PLEKHA5: variants seen among roughly 807,000 people sequenced by gnomAD.
PLEKHA5 encodes pleckstrin homology domain-containing family A member 5.
Under a neutral mutation model 181.9 loss-of-function variants are expected in PLEKHA5, and 55 were observed. The observed-to-expected ratio is 0.30, with a 90% confidence interval of 0.24 to 0.38. The LOEUF (loss-of-function observed/expected upper bound fraction) is 0.38. PLEKHA5 is among the 10% of genes least tolerant of loss of function. The probability of loss-of-function intolerance (pLI) is 1.00; values close to 1 mark genes in which losing one functional copy is unlikely to be tolerated. For synonymous variants in PLEKHA5, 535 were observed against 529.4 expected, an observed-to-expected ratio of 1.01 and a Z score of -0.15; for missense variants, 1,432 against 1,549.5, an observed-to-expected ratio of 0.92 and a Z score of 1.27.
intron 20 of PLEKHA5, among the ~76,000 whole-genome samples, chr12:19,326,500 T>A (rs769575664): frequency 5.3e-5 from 8 of 152,168 alleles, no homozygotes; most frequent in Non-Finnish European, 8.8e-5. Context: ...TCTCCTCACC[T>A]GGTAGGCCAC....
In PLEKHA5 at chr12:19,369,707, C is replaced by G; in HGVS notation, c.3769C>G (p.Pro1257Ala). The G allele has an allele frequency of 6.2e-7, 1 of 1,609,622 alleles. No individual in the cohort carries two copies. The highest frequency in any genetic ancestry group is 2.2e-5 in the East Asian group (1 of 44,790). Residue 1257 changes from proline to alanine, a missense_variant, in exon 31 of 32, where the codon CCA becomes GCA. Transcript: ENST00000429027. ...GTGTGTTTTAGTGAAAAGTCTGTCC[C>G]CATCTCCTGAGTCCTCGGCATCGCC... Reference protein sequence around the residue: ...NQTMAVKSLSPSPESSASPVP... With the variant: ...NQTMAVKSLSASPESSASPVP...
chr12:19,150,915 G>A (rs1210348636), intron 3 of PLEKHA5: 2 of 152,248 alleles, frequency 1.3e-5, no homozygotes, highest in Non-Finnish European at 2.9e-5. Context: ...GAGGGAAGTA[G>A]AGCAAAAAGT....
At chr12:19,343,505 T>G (rs890025283) in intron 22 of PLEKHA5, 71 bp downstream of exon 22, 2 of 870,982 alleles carry the variant, frequency 2.3e-6, no homozygotes, top group African/African-American at 1.7e-5. Flanking sequence ...GGTGACAGAT[T>G]ACATTCTGAG....
At chr12:19,147,801 A>G (rs1591809803) in intron 3 of PLEKHA5, among the ~76,000 whole-genome samples, 1 of 152,150 alleles carries the variant, frequency 6.6e-6, no homozygotes, top group Non-Finnish European at 1.5e-5. Context: ...CAGTGGCATG[A>G]TCAGAGCTCA....
chr12:19,287,329 A>G (rs2077437138), intron 12 of PLEKHA5, 144 bp from the exon 13 acceptor site: 1 of 673,892 alleles, frequency 1.5e-6, no homozygotes. Flanking sequence ...ATGTCAAGAA[A>G]TGTTAGTCTC....
intron 3 of PLEKHA5, among the ~76,000 whole-genome samples, chr12:19,220,518 T>C (rs1410963792): frequency 6.6e-6 from 1 of 152,152 alleles, no homozygotes; most frequent in Non-Finnish European, 1.5e-5. Flanking sequence ...TAAAGCCAAA[T>C]TGTAGTTAGA....
chr12:19,352,181 C>T (rs778217366), intron 25 of PLEKHA5, among the ~76,000 whole-genome samples: 1 of 150,562 alleles, frequency 6.6e-6, no homozygotes, highest in African/African-American at 2.4e-5. Flanking sequence ...CCCAAGAGTT[C>T]AAGACCAGCC....
chr12:19,257,062 A>T (rs1247201594), intron 5 of PLEKHA5, among the ~76,000 whole-genome samples: 1 of 152,178 alleles, frequency 6.6e-6, no homozygotes, highest in Non-Finnish European at 1.5e-5. Flanking sequence ...ATATAAAGGG[A>T]AAAGTTCTGT....
At chr12:19,150,672 G>A (rs1037697092) in intron 3 of PLEKHA5, 1 of 152,186 alleles carries the variant, frequency 6.6e-6, no homozygotes, top group African/African-American at 2.4e-5. Flanking sequence ...CAAGTCAGCA[G>A]TTTGTTAAAA....
intron 11 of PLEKHA5, among the ~76,000 whole-genome samples, chr12:19,279,024 A>G (rs184763745): frequency 1.5e-4 from 23 of 152,314 alleles, no homozygotes; most frequent in Middle Eastern, 6.8e-3. Context: ...TTAGAGCTCT[A>G]GAATAAGTTT....
chr12:19,281,146 A>G (rs2076034808), intron 11 of PLEKHA5, among the ~76,000 whole-genome samples: 1 of 151,772 alleles, frequency 6.6e-6, no homozygotes. Flanking sequence ...TGAGGCAGGA[A>G]GATCACTTGA....
chr12:19,177,014 C>T (rs979051746), intron 3 of PLEKHA5, among the ~76,000 whole-genome samples: 27 of 151,946 alleles, frequency 1.8e-4, no homozygotes, highest in African/African-American at 6.0e-4. Context: ...ATTACAGGCA[C>T]GCACCACCAC....
intron 11 of PLEKHA5, among the ~76,000 whole-genome samples, chr12:19,275,457 A>C (rs917033312): frequency 6.6e-6 from 1 of 152,182 alleles, no homozygotes; most frequent in Non-Finnish European, 1.5e-5. Context: ...TCTTTAAATC[A>C]GAATGCACAT....
intron 3 of PLEKHA5, among the ~76,000 whole-genome samples, chr12:19,193,099 T>G (rs2051616270): frequency 6.6e-6 from 1 of 152,226 alleles, no homozygotes; most frequent in Non-Finnish European, 1.5e-5. Flanking sequence ...TTTTAGACTT[T>G]TACATTGTAG....
chr12:19,236,233 G>A (rs1037211481), intron 3 of PLEKHA5, among the ~76,000 whole-genome samples: 3 of 152,160 alleles, frequency 2.0e-5, no homozygotes, highest in Admixed American at 6.5e-5. Flanking sequence ...GTTAGTATAC[G>A]TTGGTAATCA....
At chr12:19,298,347 T>G (rs945505768) in intron 15 of PLEKHA5, among the ~76,000 whole-genome samples, 35 of 152,160 alleles carry the variant, frequency 2.3e-4, no homozygotes, top group African/African-American at 8.2e-4. Context: ...TTGGCCTATT[T>G]AGTGCTCTTA....
At chr12:19,358,548 T>C (rs991787966) in intron 27 of PLEKHA5, 111 bp downstream of exon 27, 6 of 640,258 alleles carry the variant, frequency 9.4e-6, no homozygotes, top group Admixed American at 3.0e-5. Context: ...TGGATACTTA[T>C]TTTATATTAT....
intron 20 of PLEKHA5, among the ~76,000 whole-genome samples, chr12:19,331,141 T>C (rs1403342402): frequency 6.6e-6 from 1 of 152,210 alleles, no homozygotes; most frequent in East Asian, 1.9e-4. Context: ...TTTGCTTTTT[T>C]TTAAACTATA....
chr12:19,176,599 C>T (rs1174288426), intron 3 of PLEKHA5: 1 of 152,158 alleles, frequency 6.6e-6, no homozygotes, highest in Non-Finnish European at 1.5e-5. Context: ...CCTTTCTCTT[C>T]ATTAACAGAG....
Sources: allele counts gnomAD v4.1 joint callset (sites outside exome capture counted in the v4.1 genomes callset), GRCh38; gene constraint gnomAD v4.1.1; transcripts MANE v1.5; gene names NCBI Gene and HGNC (gene_info 2026-07-23, HGNC 2026-07-21).